EPB41L5: variants seen among roughly 807,000 people sequenced by gnomAD.
EPB41L5 encodes the protein band 4.1-like protein 5.
Under a neutral mutation model 106.6 loss-of-function variants are expected in EPB41L5, and 55 were observed. That is an observed-to-expected ratio of 0.52 (90% CI 0.42 to 0.65). The LOEUF (loss-of-function observed/expected upper bound fraction) is 0.65, where lower values mean the gene tolerates loss of function less well. Ranked by LOEUF, EPB41L5 falls within the 30% of genes least tolerant of loss-of-function variation. The pLI, the probability that EPB41L5 is intolerant of heterozygous loss-of-function variation, is 0.00. For missense variants in EPB41L5, 871 were observed against 882.1 expected (o/e 0.99, Z 0.16); for synonymous variants, 297 against 306.7 (o/e 0.97, Z 0.33).
chr2:120,175,500 A>G lies in EPB41L5; in HGVS notation c.*593A>G, dbSNP rs896027389. On this transcript the variant is annotated 3_prime_UTR_variant, in exon 25 of 25. Coordinates refer to ENST00000263713, the MANE Select transcript of EPB41L5 (RefSeq NM_020909.4). Reference sequence around the variant, plus strand: ...TTTTTAAATGTCTCCCATTCTTTTGATTTCTTACTGTACTGGCTATCTTAA... The same window carrying G: ...TTTTTAAATGTCTCCCATTCTTTTGGTTTCTTACTGTACTGGCTATCTTAA... 5.9e-5 allele frequency: 9 copies of G among 151,346 alleles called. No homozygotes were observed. The highest frequency in any genetic ancestry group is 2.0e-4 in the African/African-American group (8 of 40,950). The allele number at this position is 151,346 out of a possible 1,614,324, so 9.4% of individuals were successfully genotyped here.
chr2:120,121,703 C>A (rs1425909759), intron 16 of EPB41L5, among the ~76,000 whole-genome samples: 1 of 152,176 alleles, frequency 6.6e-6, no homozygotes. Flanking sequence ...TGGGTATATA[C>A]CCAGTAATGG....
chr2:120,046,141 G>A (rs111565951), intron 3 of EPB41L5, among the ~76,000 whole-genome samples: 2 of 152,206 alleles, frequency 1.3e-5, no homozygotes, highest in East Asian at 3.9e-4. Context: ...CTTTATAGCA[G>A]CATGATGTAT....
chr2:120,020,242 C>A (rs1677830539), intron 2 of EPB41L5, among the ~76,000 whole-genome samples: 1 of 152,112 alleles, frequency 6.6e-6, no homozygotes, highest in Non-Finnish European at 1.5e-5. Flanking sequence ...TCTCTTTGGG[C>A]AAAGTGATAG....
At chr2:120,146,135 T>C (rs559000801) in intron 19 of EPB41L5, 90 bp from the exon 20 acceptor site, 34 of 790,618 alleles carry the variant, frequency 4.3e-5, no homozygotes, top group Admixed American at 4.2e-4. Flanking sequence ...CAAACTGATA[T>C]TTCTGTTGTT....
chr2:120,113,898 C>G (rs954570402), intron 16 of EPB41L5, among the ~76,000 whole-genome samples: 1 of 152,124 alleles, frequency 6.6e-6, no homozygotes, highest in Non-Finnish European at 1.5e-5. Flanking sequence ...TTTTATTTAT[C>G]CATTGTCAGT....
At chr2:120,101,516 T>G (rs1684138934) in intron 16 of EPB41L5, 1 of 152,206 alleles carries the variant, frequency 6.6e-6, no homozygotes, top group Non-Finnish European at 1.5e-5. Context: ...TATCACCTGT[T>G]CAAGTTATTT....
chr2:120,149,892 C>CTTT lies in EPB41L5; in HGVS notation c.1793+3621_1793+3623dup, dbSNP rs34014223. Among the ~76,000 whole-genome samples the CTTT allele has an allele frequency of 1.6e-3, 182 of 110,900 alleles. 1 individual carries two copies. Among genetic ancestry groups the CTTT allele is most frequent in the African/African-American group, 4.9e-3 (142 of 29,056 alleles). The allele number at this position is 110,900 out of a possible 152,430, so 72.8% of individuals were successfully genotyped here. ...TACACTCTCATGGTATTTCACTGTA[C>CTTT]TTTTTTTTTTTTTTTTTTTTGAGAC... is the stretch of plus-strand genomic sequence containing the variant. On this transcript the variant is annotated intron_variant, in intron 20 of 24. Coordinates refer to ENST00000263713, the MANE Select transcript of EPB41L5 (RefSeq NM_020909.4).
chr2:120,144,650 A>T (rs774188630), intron 19 of EPB41L5, among the ~76,000 whole-genome samples: 2 of 152,236 alleles, frequency 1.3e-5, no homozygotes, highest in Non-Finnish European at 2.9e-5. Context: ...AAAAAGATAG[A>T]AGAGGAAGGA....
chr2:120,151,610 C>CTT lies in EPB41L5; in HGVS notation c.1793+5342_1793+5343dup, dbSNP rs529496809. Among the ~76,000 whole-genome samples the CTT allele has an allele frequency of 6.1e-3, 712 of 116,764 alleles. 7 individuals carry two copies. The highest frequency in any genetic ancestry group is 0.027 in the African/African-American group (632 of 23,416). 76.6% of individuals were successfully genotyped at this position (116,764 alleles called of 152,430 possible). ...CAGGCAGGAGCCACTGCGTCTGGCC[C>CTT]TTTTTTTTTTTTTTTTTTTTTTAAA... On this transcript the variant is annotated intron_variant, in intron 20 of 24. Transcript: ENST00000263713.
rs376120759 is a variant in EPB41L5, at chr2:120,050,985, C to G, written c.285+8875C>G. On this transcript the variant is annotated intron_variant, in intron 3 of 24. Coordinates refer to ENST00000263713, the MANE Select transcript of EPB41L5 (RefSeq NM_020909.4). ...CTGCAGAACAGTGAATATTGCTGAA[C>G]AGCAAATGTTGCTGCCTGATCGTTC... 4.9e-4 allele frequency among the ~76,000 whole-genome samples: 74 copies of G among 152,334 alleles called. 4 individuals are homozygous for G. In the South Asian group the frequency reaches 0.015, roughly 30 times the overall value.
intron 16 of EPB41L5, among the ~76,000 whole-genome samples, chr2:120,101,965 A>C (rs1420379083): frequency 6.6e-6 from 1 of 152,194 alleles, no homozygotes; most frequent in Non-Finnish European, 1.5e-5. Context: ...AGGCTTATAA[A>C]TGTCAAATTT....
intron 3 of EPB41L5, among the ~76,000 whole-genome samples, chr2:120,061,031 G>GTGTTTT: frequency 4.3e-5 from 3 of 69,128 alleles, no homozygotes; most frequent in East Asian, 5.1e-4. Flanking sequence ...GTTCAGGGAA[G>GTGTTTT]TTTTTTTTTT....
chr2:120,091,238 C>G (rs1177594758), intron 12 of EPB41L5, among the ~76,000 whole-genome samples: 2 of 152,170 alleles, frequency 1.3e-5, no homozygotes, highest in East Asian at 3.8e-4. Context: ...TTTAATTACA[C>G]ACTTTGCACT....
rs573240780 is a variant in EPB41L5, at chr2:120,083,202, GTCAGTTTTAGATCTTTCCTGCTTTC to G, written c.804-3966_804-3942del. 5.2e-3 allele frequency among the ~76,000 whole-genome samples: 793 copies of G among 152,260 alleles called. 4 individuals are homozygous for G. The highest frequency in any genetic ancestry group is 0.018 in the African/African-American group (763 of 41,522). On this transcript the variant is annotated intron_variant, in intron 10 of 24. Transcript: ENST00000263713. ...GTTCTTTTAATTGTGATGTTAGGGTGTCAGTTTTAGATCTTTCCTGCTTTCTCTTGTGGACATTTAGTGCTATAAA... is the reference window on the plus strand; with the variant it reads ...GTTCTTTTAATTGTGATGTTAGGGTGTCTTGTGGACATTTAGTGCTATAAA...
At chr2:120,089,917 T>C (rs1033522947) in intron 11 of EPB41L5, among the ~76,000 whole-genome samples, 1 of 152,170 alleles carries the variant, frequency 6.6e-6, no homozygotes, top group African/African-American at 2.4e-5. Flanking sequence ...ATAATTTATG[T>C]GAAATCCTTA....
intron 5 of EPB41L5, among the ~76,000 whole-genome samples, chr2:120,074,745 G>T (rs564578691): frequency 1.3e-5 from 2 of 152,084 alleles, no homozygotes; most frequent in Non-Finnish European, 2.9e-5. Context: ...AAAAAGTTGA[G>T]CTTTTGAGTT....
chr2:120,031,288 A>C (rs546698250), intron 2 of EPB41L5, among the ~76,000 whole-genome samples: 1 of 152,170 alleles, frequency 6.6e-6, no homozygotes, highest in Non-Finnish European at 1.5e-5. Flanking sequence ...CTCCATTGCA[A>C]TTCCCCTGTC....
intron 19 of EPB41L5, among the ~76,000 whole-genome samples, 156 bp downstream of exon 19, chr2:120,143,287 T>C (rs1686265378): frequency 6.6e-6 from 1 of 152,102 alleles, no homozygotes; most frequent in African/African-American, 2.4e-5. Flanking sequence ...ATACGAAGGC[T>C]AAAAAAGCCA....
At chr2:120,080,864 T>C (rs910825096) in intron 10 of EPB41L5, among the ~76,000 whole-genome samples, 1 of 151,656 alleles carries the variant, frequency 6.6e-6, no homozygotes, top group Admixed American at 6.6e-5. Flanking sequence ...CCAGTGATGA[T>C]GAGCATTTTT....
Sources: allele counts gnomAD v4.1 joint callset (sites outside exome capture counted in the v4.1 genomes callset), GRCh38; gene constraint gnomAD v4.1.1; transcripts MANE v1.5; gene names NCBI Gene and HGNC (gene_info 2026-07-23, HGNC 2026-07-21).